Variants in KIF19 observed in about 807,000 individuals in gnomAD.
KIF19 encodes kinesin family member 19.
KIF19 carries 98 observed loss-of-function variants against 106.6 expected under a neutral mutation model. That is an observed-to-expected ratio of 0.92 (90% CI 0.78 to 1.09). KIF19 has a LOEUF of 1.09. KIF19 is among the 50% of genes least tolerant of loss of function. The probability of loss-of-function intolerance (pLI) is 0.00; values close to 1 mark genes in which losing one functional copy is unlikely to be tolerated. For synonymous variants in KIF19, 516 were observed against 584.2 expected (o/e 0.88, Z 1.68); for missense variants, 1,373 against 1,414.3 (o/e 0.97, Z 0.47).
rs1436061323 is a variant in KIF19, at chr17:74,352,015, T to C, written c.1736T>C (p.Met579Thr). ...VHELEVENTE[M>T]QSHALLRDGA... ...GAGCTCGAGGTGGAGAACACCGAGATGCAGTCGCACGCGCTGCTCCGCGAC... is the reference window on the plus strand; with the variant it reads ...GAGCTCGAGGTGGAGAACACCGAGACGCAGTCGCACGCGCTGCTCCGCGAC... Residue 579 changes from methionine to threonine, a missense_variant, in exon 13 of 20, where the codon ATG becomes ACG. Met to Thr is a moderately conservative substitution (Grantham distance 81, BLOSUM62 -1). Coordinates refer to ENST00000389916, the MANE Select transcript of KIF19 (RefSeq NM_153209.4). The C allele has an allele frequency of 6.4e-7, 1 of 1,555,630 alleles. No individual in the cohort carries two copies. Among genetic ancestry groups the C allele is most frequent in the Non-Finnish European group, 8.6e-7 (1 of 1,159,196 alleles).
intron 5 of KIF19, 126 bp downstream of exon 5, chr17:74,343,286 A>C: frequency 1.1e-6 from 1 of 951,778 alleles, no homozygotes; most frequent in Non-Finnish European, 1.5e-6. Flanking sequence ...CACTTTACAA[A>C]CATCGCAGGC....
intron 2 of KIF19, among the ~76,000 whole-genome samples, chr17:74,341,331 A>C (rs1315765315): frequency 6.6e-6 from 1 of 152,166 alleles, no homozygotes; most frequent in Non-Finnish European, 1.5e-5. Context: ...ATAAATAAAT[A>C]AATAAAAGAG....
chr17:74,326,356 G>C lies in KIF19; in HGVS notation c.7G>C (p.Asp3His), dbSNP rs755015267. MKDSGDSKDQQLM... is the reference protein window; with the variant it reads MKHSGDSKDQQLM... Reference sequence around the variant, plus strand: ...CCCTCCACCTGCTGCAATCATGAAGGACAGCGGGGACTCCAAGGACCAGCA... The same window carrying C: ...CCCTCCACCTGCTGCAATCATGAAGCACAGCGGGGACTCCAAGGACCAGCA... Residue 3 changes from aspartate (D) to histidine (H), a missense_variant, in exon 1 of 20, where the codon GAC becomes CAC. Asp to His is a moderately conservative substitution (Grantham distance 81). Around this residue, in one of 3 missense-constraint regions of KIF19, gnomAD observed 348 missense variants for 389.5 expected, o/e 0.89. Coordinates refer to ENST00000389916, the MANE Select transcript of KIF19 (RefSeq NM_153209.4). 5.0e-6 allele frequency: 8 copies of C among 1,612,382 alleles called. No homozygotes were observed. Among genetic ancestry groups the C allele is most frequent in the Non-Finnish European group, 6.8e-6 (8 of 1,179,446 alleles).
At chr17:74,337,435 C>G (rs1214285664) in intron 2 of KIF19, among the ~76,000 whole-genome samples, 1 of 152,162 alleles carries the variant, frequency 6.6e-6, no homozygotes, top group African/African-American at 2.4e-5. Context: ...AGCCTTGGCA[C>G]ATTGAGTGGA....
At position 74,344,810 on chromosome 17, in the gene KIF19, C is replaced by T. The variant is rs139160580; in HGVS notation, c.632C>T (p.Thr211Met). The change falls in exon 7 of 20, where the codon ACG becomes ATG. Residue 211 changes from threonine to methionine, a missense_variant. Around this residue, in one of 3 missense-constraint regions of KIF19, gnomAD observed 348 missense variants for 389.5 expected, o/e 0.89. Coordinates refer to ENST00000389916, the MANE Select transcript of KIF19 (RefSeq NM_153209.4). ...AACCGGCAGAGGACCCAGGAGCCCACGGCCGCCAACCAGACGTCCTCCCGC... is the reference window on the plus strand; with the variant it reads ...AACCGGCAGAGGACCCAGGAGCCCATGGCCGCCAACCAGACGTCCTCCCGC... ...KGNRQRTQEP[T>M]AANQTSSRSH... The T allele has an allele frequency of 1.9e-5, 30 of 1,611,714 alleles. No homozygotes were observed. Among genetic ancestry groups the T allele is most frequent in the Admixed American group, 6.7e-5 (4 of 59,982 alleles).
At chr17:74,349,428 C>A in intron 10 of KIF19, 79 bp downstream of exon 10, 1 of 1,411,418 alleles carries the variant, frequency 7.1e-7, no homozygotes, top group Non-Finnish European at 9.4e-7. Context: ...ATGTTGTGTT[C>A]AAATCCAGAA....
At chr17:74,329,977 G>T (rs1452733330) in intron 2 of KIF19, among the ~76,000 whole-genome samples, 1 of 152,240 alleles carries the variant, frequency 6.6e-6, no homozygotes. Context: ...CACTTCCAAT[G>T]CCTGTTTACC....
Position 74,347,899 on chromosome 17 carries a change from G to A in KIF19, c.1047G>A (p.Arg349=), listed in dbSNP as rs778855630. 5.1e-6 allele frequency: 8 copies of A among 1,579,520 alleles called. No homozygotes were observed. In the East Asian group the frequency reaches 1.9e-4, roughly 37 times the overall value. The change falls in exon 9 of 20, where the codon AGG becomes AGA. Residue 349 remains arginine (R), a splice_region_variant and synonymous_variant. Coordinates refer to ENST00000389916, the MANE Select transcript of KIF19 (RefSeq NM_153209.4). The part of the protein sequence containing the change: ...YAGRAKNIKT[R]VKQNLLNVSY... ...GCCGGGCCAAGAACATTAAGACTAG[G>A]GTGAGGGCCCCTGGACCGTCCACCA...
chr17:74,348,358 T>G (rs2054597500), intron 9 of KIF19, among the ~76,000 whole-genome samples: 1 of 152,260 alleles, frequency 6.6e-6, no homozygotes, highest in Non-Finnish European at 1.5e-5. Flanking sequence ...GGAAGTTAAG[T>G]GACTTCCCAG....
chr17:74,334,779 G>A (rs2054180815), intron 2 of KIF19, among the ~76,000 whole-genome samples: 1 of 152,176 alleles, frequency 6.6e-6, no homozygotes, highest in Non-Finnish European at 1.5e-5. Context: ...AACAGAAACA[G>A]CCTTACAAGG....
At position 74,354,950 on chromosome 17, in the gene KIF19, G is replaced by A. The variant is rs536448174; in HGVS notation, c.2866+9G>A. The A allele has an allele frequency of 1.3e-6, 2 of 1,576,158 alleles. No individual in the cohort carries two copies. The highest frequency in any genetic ancestry group is 2.3e-5 in the East Asian group (1 of 43,362). On this transcript the variant is annotated intron_variant, in intron 19 of 19. Transcript: ENST00000389916. ...TCCAAGCCAGAACACGGGTCAGTAT[G>A]GGCAAGGAGGGGATGGGGAGGGGAG...
At chr17:74,353,654 C>T in intron 17 of KIF19, 73 bp downstream of exon 17, 1 of 1,209,224 alleles carries the variant, frequency 8.3e-7, no homozygotes, top group Admixed American at 1.8e-5. Flanking sequence ...CAGCTCAAAG[C>T]CCTTTCCTGC....
Position 74,344,988 on chromosome 17 carries a change from G to A in KIF19, c.777+33G>A, listed in dbSNP as rs888141740. 1.2e-5 allele frequency: 19 copies of A among 1,563,158 alleles called. No homozygotes were observed. In the African/African-American group the frequency reaches 2.2e-4, roughly 18 times the overall value. Reference sequence around the variant, plus strand: ...TGGGACCTGGGCTGGGCAGAGGAGGGAGGGTTGACCCAGGCAACAGCGGAG... The same window carrying A: ...TGGGACCTGGGCTGGGCAGAGGAGGAAGGGTTGACCCAGGCAACAGCGGAG... On this transcript the variant is annotated intron_variant, in intron 7 of 19. Coordinates refer to ENST00000389916, the MANE Select transcript of KIF19 (RefSeq NM_153209.4).
chr17:74,332,210 T>TTTG (rs2054109578), intron 2 of KIF19, among the ~76,000 whole-genome samples: 8 of 108,764 alleles, frequency 7.4e-5, no homozygotes, highest in African/African-American at 1.1e-4. Flanking sequence ...GTGTGTGTGT[T>TTTG]TGTGTGTGTG....
intron 2 of KIF19, among the ~76,000 whole-genome samples, chr17:74,329,976 T>G (rs1193055881): frequency 6.6e-6 from 1 of 152,226 alleles, no homozygotes; most frequent in Non-Finnish European, 1.5e-5. Context: ...ACACTTCCAA[T>G]GCCTGTTTAC....
intron 2 of KIF19, among the ~76,000 whole-genome samples, chr17:74,333,386 A>G (rs2054144002): frequency 1.6e-5 from 2 of 123,394 alleles, no homozygotes; most frequent in African/African-American, 7.1e-5. Flanking sequence ...TTTTTTTGAG[A>G]CACAGTCTGG....
chr17:74,343,186 T>C (rs1213360531), intron 5 of KIF19, 26 bp downstream of exon 5: 1 of 1,608,424 alleles, frequency 6.2e-7, no homozygotes, highest in South Asian at 1.1e-5. Context: ...TAGGCTCAGA[T>C]GGGGCTGGCC....
chr17:74,335,856 G>T (rs1427459256), intron 2 of KIF19, among the ~76,000 whole-genome samples: 1 of 152,266 alleles, frequency 6.6e-6, no homozygotes, highest in Non-Finnish European at 1.5e-5. Flanking sequence ...GGGAGGAGCT[G>T]GCTGAAGCCC....
intron 13 of KIF19, 36 bp from the exon 14 acceptor site, chr17:74,352,183 G>A (rs759000129): frequency 3.6e-5 from 58 of 1,590,128 alleles, no homozygotes; most frequent in Non-Finnish European, 4.6e-5. Context: ...CGGGGGGGCC[G>A]CTGGCACTCA....
Sources: allele counts gnomAD v4.1 joint callset (sites outside exome capture counted in the v4.1 genomes callset), GRCh38; gene constraint gnomAD v4.1.1; regional missense constraint gnomAD v4.1.1; transcripts MANE v1.5; gene names NCBI Gene and HGNC (gene_info 2026-07-23, HGNC 2026-07-21).